The following REPS1 variants were observed in gnomAD, a reference collection of about 807,000 sequenced individuals.
REPS1 encodes RALBP1 associated Eps domain containing 1.
In REPS1, 39 loss-of-function variants were observed where a neutral mutation model predicts 100.9. That is an observed-to-expected ratio of 0.39 (90% confidence interval 0.30 to 0.50). REPS1 has a LOEUF of 0.50. Among genes scored for constraint, REPS1 ranks in the 20% least tolerant of loss-of-function variants. The pLI is 0.86. For synonymous variants in REPS1, 324 were observed against 340.3 expected (o/e 0.95, Z 0.53); for missense variants, 821 against 968.5 (o/e 0.85, Z 2.02).
At chr6:138,945,440 G>T in intron 3 of REPS1, 61 bp downstream of exon 3, 1 of 1,579,074 alleles carries the variant, frequency 6.3e-7, no homozygotes, top group Non-Finnish European at 8.6e-7. Context: ...CTACCAATAA[G>T]AGCCTTAGTG....
chr6:138,926,581 G>A, intron 9 of REPS1, 100 bp from the exon 10 acceptor site: 2 of 775,690 alleles, frequency 2.6e-6, no homozygotes, highest in Non-Finnish European at 4.4e-6. Context: ...TGCACTGCAA[G>A]TTGTGTTTCA....
chr6:138,961,458 C>T (rs934577718), intron 1 of REPS1, among the ~76,000 whole-genome samples: 9 of 152,014 alleles, frequency 5.9e-5, no homozygotes, highest in Non-Finnish European at 1.2e-4. Context: ...ATCTCTTGAC[C>T]TCGTGATCCA....
rs1415950045 is a variant in REPS1, at chr6:138,913,078, G to A, written c.1786-128C>T. On this transcript the variant is annotated intron_variant, in intron 15 of 19. Coordinates refer to ENST00000450536, the MANE Select transcript of REPS1 (RefSeq NM_001286611.2). ...GTTTTATTATCTGTAAGTTCAGAGA[G>A]GTGTATTATAGTAACATTTAGCTCT... 40 of 665,748 alleles carry A rather than the reference G, an allele frequency of 6.0e-5. No individual in the cohort carries two copies. In the East Asian group the frequency reaches 1.1e-3, roughly 19 times the overall value. 41.2% of individuals were successfully genotyped at this position (665,748 alleles called of 1,614,324 possible). A position where few individuals can be genotyped will look rare whatever the true frequency, so the allele number is the denominator to read the frequency against.
chr6:138,980,111 C>T (rs572361542), intron 1 of REPS1, among the ~76,000 whole-genome samples: 13 of 152,196 alleles, frequency 8.5e-5, no homozygotes, highest in African/African-American at 2.9e-4. Context: ...GAGTTCTTTC[C>T]CCTCCCTTAT....
chr6:138,913,062 T>C, intron 15 of REPS1, 112 bp from the exon 16 acceptor site: 2 of 784,240 alleles, frequency 2.6e-6, no homozygotes, highest in Non-Finnish European at 3.9e-6. Flanking sequence ...TGTTTTATTA[T>C]CTGTAAGTTC....
intron 1 of REPS1, among the ~76,000 whole-genome samples, chr6:138,985,070 T>G (rs937483396): frequency 6.6e-6 from 1 of 152,222 alleles, no homozygotes; most frequent in Non-Finnish European, 1.5e-5. Context: ...TATCGTTATC[T>G]GCTGCCCTTC....
At chr6:138,960,251 G>A (rs1783651668) in intron 1 of REPS1, among the ~76,000 whole-genome samples, 1 of 151,936 alleles carries the variant, frequency 6.6e-6, no homozygotes, top group South Asian at 2.1e-4. Flanking sequence ...AACACTTTGG[G>A]GTTCAATGTT....
intron 1 of REPS1, among the ~76,000 whole-genome samples, chr6:138,956,664 C>G (rs953228): frequency 6.6e-6 from 1 of 151,958 alleles, no homozygotes; most frequent in East Asian, 1.9e-4. Context: ...TCCCTGCCCC[C>G]TCAAAAAAAG....
chr6:138,947,739 T>C, intron 2 of REPS1, 51 bp downstream of exon 2: 2 of 1,406,072 alleles, frequency 1.4e-6, no homozygotes, highest in Non-Finnish European at 1.9e-6. Flanking sequence ...CTTGACTTCA[T>C]TTGTAATAGA....
chr6:138,940,581 C>A (rs1281152976), intron 8 of REPS1, among the ~76,000 whole-genome samples: 1 of 151,744 alleles, frequency 6.6e-6, no homozygotes, highest in Non-Finnish European at 1.5e-5. Flanking sequence ...CCTATCTCTA[C>A]TAAAAATACA....
chr6:138,965,840 C>G (rs538096253), intron 1 of REPS1, among the ~76,000 whole-genome samples: 1 of 152,204 alleles, frequency 6.6e-6, no homozygotes, highest in East Asian at 1.9e-4. Flanking sequence ...ATAATCAAAC[C>G]TCTCTTTTCT....
rs537442542 is a variant in REPS1 at position 138,988,070 on chromosome 6, G to C, written c.-388C>G. 749 of 397,916 alleles carry C rather than the reference G, an allele frequency of 1.9e-3. 2 individuals carry two copies. Among genetic ancestry groups the C allele is most frequent in the South Asian group, 5.6e-3 (44 of 7,852 alleles). 24.6% of individuals were successfully genotyped at this position (397,916 alleles called of 1,614,324 possible). On this transcript the variant is annotated 5_prime_UTR_variant, in exon 1 of 20. Transcript: ENST00000450536. ...CCCCGGCTCCCTGCCGATTCCCCCA[G>C]ACTTCCCGCCTCGGCTTCCCCTTCC...
In REPS1 at chr6:138,917,538, T is replaced by C. The variant is rs368745071; in HGVS notation, c.1601+17A>G. 5.6e-5 allele frequency: 89 copies of C among 1,594,608 alleles called. 1 individual carries two copies. In the South Asian group the frequency reaches 6.8e-4, roughly 12 times the overall value. On this transcript the variant is annotated intron_variant, in intron 13 of 19. Coordinates refer to ENST00000450536, the MANE Select transcript of REPS1 (RefSeq NM_001286611.2). Reference sequence around the variant, plus strand: ...GCAAGATAGTTTAACATGCTTTTCATTGACAGAAATACTGACCTTTGACGA... The same window carrying C: ...GCAAGATAGTTTAACATGCTTTTCACTGACAGAAATACTGACCTTTGACGA...
chr6:138,926,320 A>G (rs894919901), intron 10 of REPS1, 81 bp downstream of exon 10: 17 of 1,007,388 alleles, frequency 1.7e-5, no homozygotes, highest in African/African-American at 1.6e-4. Flanking sequence ...TGAATCATGC[A>G]TATCAGCTAA....
At chr6:138,914,526 T>C (rs997463258) in intron 15 of REPS1, among the ~76,000 whole-genome samples, 171 bp downstream of exon 15, 4 of 152,246 alleles carry the variant, frequency 2.6e-5, no homozygotes, top group Admixed American at 2.6e-4. Flanking sequence ...ACTCAGATCA[T>C]TCTTGAAATG....
At chr6:138,936,988 G>C (rs543340662) in intron 8 of REPS1, among the ~76,000 whole-genome samples, 1 of 152,288 alleles carries the variant, frequency 6.6e-6, no homozygotes, top group South Asian at 2.1e-4. Context: ...ACAAAAGAAA[G>C]AGGTTTAATG....
intron 2 of REPS1, among the ~76,000 whole-genome samples, chr6:138,946,019 C>T (rs1782590658): frequency 6.6e-6 from 1 of 152,166 alleles, no homozygotes; most frequent in South Asian, 2.1e-4. Context: ...CCCTGCAAAG[C>T]TCCTATTTAC....
At chr6:138,910,494 T>C (rs1206205582) in intron 17 of REPS1, among the ~76,000 whole-genome samples, 4 of 152,094 alleles carry the variant, frequency 2.6e-5, no homozygotes, top group South Asian at 2.1e-4. Flanking sequence ...GCTGGGACTA[T>C]AGGCGCATAC....
At chr6:138,925,632 A>G (rs1455910995) in intron 10 of REPS1, among the ~76,000 whole-genome samples, 1 of 150,956 alleles carries the variant, frequency 6.6e-6, no homozygotes, top group East Asian at 1.9e-4. Context: ...TTCTTTTTGG[A>G]AAGTGCTTAT....
Sources: allele counts gnomAD v4.1 joint callset (sites outside exome capture counted in the v4.1 genomes callset), GRCh38; gene constraint gnomAD v4.1.1; transcripts MANE v1.5; gene names NCBI Gene and HGNC (gene_info 2026-07-23, HGNC 2026-07-21).